The following MTHFD1L variants were observed in gnomAD, a reference collection of about 807,000 sequenced individuals.
MTHFD1L encodes monofunctional C1-tetrahydrofolate synthase, mitochondrial.
In MTHFD1L, 81 loss-of-function variants were observed where a neutral mutation model predicts 119.5. The ratio of observed to expected loss-of-function variants is 0.68; its 90% CI spans 0.57 to 0.82. The LOEUF (loss-of-function observed/expected upper bound fraction) is 0.82. Among genes scored for constraint, MTHFD1L ranks in the 40% least tolerant of loss-of-function variants. MTHFD1L has a pLI of 0.00. For synonymous variants in MTHFD1L, 430 were observed against 475.2 expected (o/e 0.90, Z 1.24); for missense variants, 1,125 against 1,253.4 (o/e 0.90, Z 1.55).
chr6:150,870,686 G>A (rs376177724), intron 1 of MTHFD1L, among the ~76,000 whole-genome samples: 13 of 152,186 alleles, frequency 8.5e-5, no homozygotes, highest in African/African-American at 2.9e-4. Context: ...GCTGAAGTGG[G>A]TGGATCACGA....
At chr6:150,877,600 TTTTATG>T in intron 2 of MTHFD1L, 28 bp from the exon 3 acceptor site, 1 of 1,611,620 alleles carries the variant, frequency 6.2e-7, no homozygotes, top group Non-Finnish European at 8.5e-7. Context: ...TTCAAGCTAT[TTTTATG>T]TTGTTATGTT....
At chr6:151,079,011 C>G (rs1339819887) in intron 26 of MTHFD1L, among the ~76,000 whole-genome samples, 2 of 152,116 alleles carry the variant, frequency 1.3e-5, no homozygotes, top group Non-Finnish European at 2.9e-5. Flanking sequence ...TGAGCCTATA[C>G]GTGAACGTAC....
chr6:151,008,961 A>T (rs899483990), intron 20 of MTHFD1L, among the ~76,000 whole-genome samples: 9 of 130,528 alleles, frequency 6.9e-5, no homozygotes, highest in African/African-American at 2.9e-4. Flanking sequence ...TACTAACAAT[A>T]AAAAAAAAAA....
chr6:150,987,238 A>G (rs1778437587), intron 20 of MTHFD1L, among the ~76,000 whole-genome samples: 1 of 152,092 alleles, frequency 6.6e-6, no homozygotes, highest in Non-Finnish European at 1.5e-5. Flanking sequence ...TCCATTCTTT[A>G]TAGACCCTTT....
intron 27 of MTHFD1L, among the ~76,000 whole-genome samples, chr6:151,095,779 G>A (rs1241398773): frequency 6.6e-6 from 1 of 152,238 alleles, no homozygotes; most frequent in Non-Finnish European, 1.5e-5. Context: ...CTACCCCTTG[G>A]TCACTGAGGG....
chr6:150,922,099 G>A (rs1048402564), intron 9 of MTHFD1L, 106 bp from the exon 10 acceptor site: 3 of 803,036 alleles, frequency 3.7e-6, no homozygotes, highest in Non-Finnish European at 6.3e-6. Flanking sequence ...TGTGCGACTC[G>A]ATAATCTTGT....
intron 24 of MTHFD1L, among the ~76,000 whole-genome samples, chr6:151,029,775 G>A (rs553227063): frequency 2.0e-4 from 30 of 152,334 alleles, no homozygotes; most frequent in African/African-American, 7.2e-4. Flanking sequence ...CACCCTGGGT[G>A]ACAGAGTGAG....
At chr6:151,011,406 G>C (rs1425107393) in intron 21 of MTHFD1L, among the ~76,000 whole-genome samples, 1 of 149,700 alleles carries the variant, frequency 6.7e-6, no homozygotes, top group Non-Finnish European at 1.5e-5. Context: ...AAAGGGCTTA[G>C]AGATTGTCTG....
intron 21 of MTHFD1L, among the ~76,000 whole-genome samples, chr6:151,012,401 A>G (rs555380642): frequency 6.6e-6 from 1 of 152,010 alleles, no homozygotes; most frequent in Non-Finnish European, 1.5e-5. Context: ...TTTTGCTACA[A>G]ATACTGCGCT....
At chr6:150,902,601 C>T (rs981972207) in intron 7 of MTHFD1L, among the ~76,000 whole-genome samples, 1 of 152,082 alleles carries the variant, frequency 6.6e-6, no homozygotes, top group African/African-American at 2.4e-5. Context: ...AAAGAATTAA[C>T]ATCTATGATG....
intron 18 of MTHFD1L, among the ~76,000 whole-genome samples, chr6:150,961,157 G>C (rs1226087903): frequency 7.1e-6 from 1 of 140,274 alleles, no homozygotes; most frequent in Non-Finnish European, 1.5e-5. Flanking sequence ...GCAATGGCAC[G>C]ATCTCAGCTC....
At position 151,040,199 on chromosome 6, in the gene MTHFD1L, C is replaced by T. The variant is rs1350011499; in HGVS notation, c.2847+3082C>T. On this transcript the variant is annotated intron_variant, in intron 26 of 27. Transcript: ENST00000367321. Reference sequence around the variant, plus strand: ...TACCCTCTGAGGACTCTAAACCCCGCAGTAGTTCACCCAACAAATTCATTC... The same window carrying T: ...TACCCTCTGAGGACTCTAAACCCCGTAGTAGTTCACCCAACAAATTCATTC... Among the ~76,000 whole-genome samples the T allele has an allele frequency of 2.0e-5, 3 of 152,314 alleles. No homozygotes were observed. The South Asian group carries it at 6.2e-4, about 32-fold the overall frequency.
At chr6:150,986,302 C>T (rs1041192536) in intron 20 of MTHFD1L, among the ~76,000 whole-genome samples, 2 of 152,084 alleles carry the variant, frequency 1.3e-5, no homozygotes, top group African/African-American at 4.8e-5. Context: ...ATCTAAGGGC[C>T]CAATCAAGGA....
chr6:151,092,696 C>A (rs1035521483), intron 27 of MTHFD1L, 109 bp downstream of exon 27: 4 of 642,414 alleles, frequency 6.2e-6, no homozygotes, highest in Non-Finnish European at 1.1e-5. Context: ...TAAATCCTTT[C>A]CTTCCTTTGT....
intron 4 of MTHFD1L, among the ~76,000 whole-genome samples, chr6:150,880,561 A>G (rs775256617): frequency 6.6e-6 from 1 of 152,256 alleles, no homozygotes; most frequent in Non-Finnish European, 1.5e-5. Context: ...TGTAACAAAC[A>G]TGGGAATGCA....
intron 13 of MTHFD1L, among the ~76,000 whole-genome samples, chr6:150,940,192 T>A (rs1196456167): frequency 6.6e-6 from 1 of 152,134 alleles, no homozygotes; most frequent in East Asian, 1.9e-4. Context: ...GGTCCCAGCA[T>A]TGAGCAGAGT....
At chr6:150,952,415 G>A (rs1427253582) in intron 16 of MTHFD1L, among the ~76,000 whole-genome samples, 2 of 152,212 alleles carry the variant, frequency 1.3e-5, no homozygotes, top group East Asian at 1.9e-4. Context: ...TTGACAACTA[G>A]AGCAGGACAG....
intron 16 of MTHFD1L, among the ~76,000 whole-genome samples, chr6:150,955,586 G>A (rs1354291634): frequency 4.9e-5 from 7 of 141,994 alleles, no homozygotes; most frequent in East Asian, 4.4e-4. Context: ...TGCAACCTCC[G>A]CCTCCCAGGT....
chr6:150,936,790 C>T lies in MTHFD1L; in HGVS notation c.1257-14C>T. 6.2e-7 allele frequency: 1 copy of T among 1,607,548 alleles called. No individual in the cohort carries two copies. Among genetic ancestry groups the T allele is most frequent in the African/African-American group, 1.3e-5 (1 of 74,858 alleles). ...GGAAATATTATAAAATTCACTTTCT[C>T]CCCCCGAACTCAGGATCACACCCAC... is the stretch of plus-strand genomic sequence containing the variant. On this transcript the variant is annotated splice_polypyrimidine_tract_variant and intron_variant, in intron 11 of 27. Transcript: ENST00000367321.
Sources: allele counts gnomAD v4.1 joint callset (sites outside exome capture counted in the v4.1 genomes callset), GRCh38; gene constraint gnomAD v4.1.1; transcripts MANE v1.5; gene names NCBI Gene and HGNC (gene_info 2026-07-23, HGNC 2026-07-21).